The following ADAMTS14 variants were observed in gnomAD, a reference collection of about 807,000 sequenced individuals.
ADAMTS14 encodes the protein A disintegrin and metalloproteinase with thrombospondin motifs 14.
In ADAMTS14, 100 loss-of-function variants were observed where a neutral mutation model predicts 128.6. The observed-to-expected ratio is 0.78, with a 90% CI of 0.66 to 0.92. The LOEUF (loss-of-function observed/expected upper bound fraction) is 0.92. Ranked by LOEUF, ADAMTS14 falls within the 40% of genes least tolerant of loss-of-function variation. The pLI, the probability that ADAMTS14 is intolerant of heterozygous loss-of-function variation, is 0.00. For synonymous variants in ADAMTS14, 665 were observed against 653.8 expected (o/e 1.02, Z -0.26); for missense variants, 1,562 against 1,658.6 (o/e 0.94, Z 1.01).
Position 70,738,823 on chromosome 10 carries a change from G to A in ADAMTS14, c.1600-19G>A, listed in dbSNP as rs746596495. On this transcript the variant is annotated intron_variant, in intron 10 of 21. Transcript: ENST00000373207. ...CAGCAGCAGCCCAGGGTGACCTCATGCCCTCTGCTCTGCCCCAGTGGTGCT... is the reference window on the plus strand; with the variant it reads ...CAGCAGCAGCCCAGGGTGACCTCATACCCTCTGCTCTGCCCCAGTGGTGCT... 12 of 1,613,510 alleles carry A rather than the reference G, an allele frequency of 7.4e-6. No individual in the cohort carries two copies. The highest frequency in any genetic ancestry group is 1.0e-5 in the Non-Finnish European group (12 of 1,180,012).
At chr10:70,737,588 G>A (rs964474657) in intron 10 of ADAMTS14, among the ~76,000 whole-genome samples, 28 of 152,354 alleles carry the variant, frequency 1.8e-4, no homozygotes, top group Admixed American at 3.3e-4. Flanking sequence ...CCCTAGCCAG[G>A]CTCCTCCTAT....
At chr10:70,740,488 C>T (rs906851726) in intron 11 of ADAMTS14, among the ~76,000 whole-genome samples, 2 of 152,224 alleles carry the variant, frequency 1.3e-5, no homozygotes, top group Non-Finnish European at 2.9e-5. Context: ...GCCAAGGTTG[C>T]ACTGTCAGGA....
In ADAMTS14 at chr10:70,745,278, G is replaced by T; in HGVS notation, c.2235G>T (p.Glu745Asp). The stretch of plus-strand genomic sequence containing the variant: ...CAGGTGCCAGGCACATCCAGATTGA[G>T]GCACTGGAGAAGTCCCCCCACCGCA... ...IPAGARHIQI[E>D]ALEKSPHRIV... Residue 745 changes from glutamate (E) to aspartate (D), a missense_variant, in exon 15 of 22, where the codon GAG becomes GAT. By Grantham distance (45) the Glu-to-Asp change is conservative. Transcript: ENST00000373207. 1 of 1,612,710 alleles carries T rather than the reference G, an allele frequency of 6.2e-7. No homozygotes were observed. The highest frequency in any genetic ancestry group is 8.5e-7 in the Non-Finnish European group (1 of 1,179,996).
chr10:70,694,546 C>G (rs1840279685), intron 2 of ADAMTS14, among the ~76,000 whole-genome samples: 1 of 152,174 alleles, frequency 6.6e-6, no homozygotes, highest in Non-Finnish European at 1.5e-5. Flanking sequence ...ATTACCCCAG[C>G]CCTTGGCAGT....
At chr10:70,751,045 G>C (rs1842333691) in intron 16 of ADAMTS14, among the ~76,000 whole-genome samples, 1 of 152,208 alleles carries the variant, frequency 6.6e-6, no homozygotes, top group South Asian at 2.1e-4. Flanking sequence ...ATCAAGGAAA[G>C]GAAAAGACCA....
intron 2 of ADAMTS14, among the ~76,000 whole-genome samples, chr10:70,698,318 A>G (rs1434668733): frequency 6.6e-6 from 1 of 152,226 alleles, no homozygotes; most frequent in Admixed American, 6.5e-5. Context: ...ATAAACATTC[A>G]ATAAATTGAG....
rs765713184 is a variant in ADAMTS14 at position 70,760,666 on chromosome 10, C to A, written c.3485C>A (p.Thr1162Asn). 6 of 1,614,028 alleles carry A rather than the reference C, an allele frequency of 3.7e-6. No homozygotes were observed. Residue 1162 changes from threonine (T) to asparagine (N), a missense_variant, in exon 22 of 22, where the codon ACC becomes AAC. Physicochemically the swap from Thr to Asn is moderately conservative, Grantham distance 65. Coordinates refer to ENST00000373207, the MANE Select transcript of ADAMTS14 (RefSeq NM_080722.4). ...PGALDTSSPG[T>N]QHPFAPETPI... ...GCTCTGGATACAAGCTCCCCAGGGA[C>A]CCAGCATCCCTTTGCCCCTGAGACA...
Position 70,744,242 on chromosome 10 carries a change from G to A in ADAMTS14, c.2182+53G>A, listed in dbSNP as rs758865307. ...ACGAGGGCTGACTGGAGTTCTTGCC[G>A]TCCCTCAGGGGGCCCTCCCTCCTTG... On this transcript the variant is annotated intron_variant, in intron 14 of 21. Transcript: ENST00000373207. 4.2e-4 allele frequency: 614 copies of A among 1,466,968 alleles called. 1 individual carries two copies. Among genetic ancestry groups the A allele is most frequent in the Non-Finnish European group, 5.1e-4 (565 of 1,101,648 alleles). The allele number at this position is 1,466,968 out of a possible 1,614,324, so 90.9% of individuals were successfully genotyped here. A position where few individuals can be genotyped will look rare whatever the true frequency, so the allele number is the denominator to read the frequency against.
intron 4 of ADAMTS14, among the ~76,000 whole-genome samples, chr10:70,712,000 A>T (rs548423976): frequency 6.1e-4 from 92 of 151,988 alleles, no homozygotes; most frequent in African/African-American, 2.1e-3. Context: ...GGAGCCTAGC[A>T]TGTGGTTTTG....
chr10:70,702,494 G>T, intron 3 of ADAMTS14, 26 bp downstream of exon 3: 1 of 1,577,700 alleles, frequency 6.3e-7, no homozygotes, highest in Non-Finnish European at 8.6e-7. Flanking sequence ...GGGCCTGTGT[G>T]CTGCTTCTCT....
At chr10:70,719,367 TACACACACACACAC>T (rs61607600) in intron 4 of ADAMTS14, among the ~76,000 whole-genome samples, 35,048 of 142,080 alleles carry the variant, frequency 0.25, 4,387 homozygotes, top group Middle Eastern at 0.31. Flanking sequence ...ACTCCACAAA[TACACACACACACAC>T]ACACACACAC....
At chr10:70,715,887 A>T (rs1841022512) in intron 4 of ADAMTS14, among the ~76,000 whole-genome samples, 2 of 152,112 alleles carry the variant, frequency 1.3e-5, no homozygotes, top group African/African-American at 2.4e-5. Flanking sequence ...GATGTTCATG[A>T]TGTGGAGGCC....
At chr10:70,697,382 G>A (rs545910610) in intron 2 of ADAMTS14, among the ~76,000 whole-genome samples, 8 of 152,272 alleles carry the variant, frequency 5.3e-5, no homozygotes, top group African/African-American at 1.9e-4. Flanking sequence ...CAACTGTCTG[G>A]ACCCCAGGCC....
chr10:70,760,502 C>T lies in ADAMTS14; in HGVS notation c.3321C>T (p.Gly1107=). The T allele has an allele frequency of 6.2e-7, 1 of 1,613,924 alleles. No individual in the cohort carries two copies. Among genetic ancestry groups the T allele is most frequent in the Non-Finnish European group, 8.5e-7 (1 of 1,179,942 alleles). ...ASGPNPGPDP[G]PTSLPPFSTP... ...GCCCCAACCCTGGCCCAGACCCTGG[C>T]CCAACCTCACTGCCCCCCTTCTCCA... The change falls in exon 22 of 22, where the codon GGC becomes GGT. Residue 1107 remains glycine (G), a synonymous_variant. Coordinates refer to ENST00000373207, the MANE Select transcript of ADAMTS14 (RefSeq NM_080722.4).
At chr10:70,734,938 T>C (rs4747093) in intron 8 of ADAMTS14, among the ~76,000 whole-genome samples, 136,362 of 152,270 alleles carry the variant, frequency 0.9, 61,183 homozygotes, top group East Asian at 1. Flanking sequence ...TGGGTACCCT[T>C]GCCTTTGGCT....
intron 12 of ADAMTS14, among the ~76,000 whole-genome samples, chr10:70,741,665 G>C (rs962131850): frequency 2.0e-5 from 3 of 152,050 alleles, no homozygotes; most frequent in African/African-American, 7.2e-5. Flanking sequence ...AGATGATTTT[G>C]GAAGGCACGC....
chr10:70,729,533 A>G (rs995562591), intron 5 of ADAMTS14, among the ~76,000 whole-genome samples, 156 bp downstream of exon 5: 15 of 152,068 alleles, frequency 9.9e-5, no homozygotes, highest in Non-Finnish European at 1.8e-4. Flanking sequence ...TCAGTGATGG[A>G]GCCTTTGGAG....
intron 2 of ADAMTS14, among the ~76,000 whole-genome samples, chr10:70,687,097 C>T (rs1437128663): frequency 8.1e-6 from 1 of 124,138 alleles, no homozygotes; most frequent in Non-Finnish European, 1.8e-5. Flanking sequence ...GGCGGCTGGC[C>T]GGGCAGAGGG....
chr10:70,747,960 C>T (rs987997634), intron 15 of ADAMTS14, among the ~76,000 whole-genome samples: 2 of 151,952 alleles, frequency 1.3e-5, no homozygotes, highest in East Asian at 1.9e-4. Context: ...GCAGCCCTGG[C>T]GATGAAGGGA....
Sources: allele counts gnomAD v4.1 joint callset (sites outside exome capture counted in the v4.1 genomes callset), GRCh38; gene constraint gnomAD v4.1.1; transcripts MANE v1.5; gene names NCBI Gene and HGNC (gene_info 2026-07-23, HGNC 2026-07-21).